GCLC: variants seen among roughly 807,000 people sequenced by gnomAD.
GCLC encodes glutamate-cysteine ligase catalytic subunit.
In GCLC, 30 loss-of-function variants were observed where a neutral mutation model predicts 81.5. That is an observed-to-expected ratio of 0.37 (90% CI 0.28 to 0.50). The LOEUF is 0.50. GCLC is among the 20% of genes least tolerant of loss of function. The pLI is 0.96. For synonymous variants in GCLC, 262 were observed against 273.3 expected (o/e 0.96, Z 0.41); for missense variants, 556 against 777.4 (o/e 0.72, Z 3.39).
intron 12 of GCLC, chr6:53,500,916 T>A (rs555597993): frequency 3.2e-6 from 1 of 312,956 alleles, no homozygotes; most frequent in East Asian, 8.9e-5. Flanking sequence ...TAGAACCCAG[T>A]TCTTCTTCTG....
intron 1 of GCLC, among the ~76,000 whole-genome samples, chr6:53,526,980 T>C (rs1763094287): frequency 6.6e-6 from 1 of 152,210 alleles, no homozygotes; most frequent in South Asian, 2.1e-4. Flanking sequence ...TCAGTTTCTC[T>C]GTAAATGAGA....
chr6:53,540,543 G>A (rs1232887173), intron 1 of GCLC, among the ~76,000 whole-genome samples: 2 of 152,180 alleles, frequency 1.3e-5, no homozygotes, highest in East Asian at 3.9e-4. Flanking sequence ...CGGTGAGCAT[G>A]GTTTCAATTA....
At chr6:53,529,640 A>C (rs1170395153) in intron 1 of GCLC, among the ~76,000 whole-genome samples, 1 of 152,260 alleles carries the variant, frequency 6.6e-6, no homozygotes, top group Non-Finnish European at 1.5e-5. Flanking sequence ...GTACTTCAGT[A>C]CAATAGGTTC....
At chr6:53,533,078 C>T (rs1006281345) in intron 1 of GCLC, among the ~76,000 whole-genome samples, 1 of 152,298 alleles carries the variant, frequency 6.6e-6, no homozygotes, top group East Asian at 1.9e-4. Context: ...CCTTCTCTGT[C>T]TTTTTAAACC....
intron 1 of GCLC, among the ~76,000 whole-genome samples, chr6:53,529,139 C>T (rs1329296711): frequency 6.6e-6 from 1 of 152,208 alleles, no homozygotes; most frequent in Non-Finnish European, 1.5e-5. Context: ...ATTTCTCTTA[C>T]TGCAGAGGTT....
intron 2 of GCLC, 81 bp from the exon 3 acceptor site, chr6:53,521,041 A>G (rs947861434): frequency 1.9e-6 from 2 of 1,071,754 alleles, no homozygotes; most frequent in African/African-American, 3.1e-5. Context: ...AGTTGCTTTA[A>G]AAGTGTAGAA....
intron 6 of GCLC, 54 bp downstream of exon 6, chr6:53,514,150 T>TA: frequency 1.3e-6 from 2 of 1,584,898 alleles, no homozygotes; most frequent in Non-Finnish European, 1.7e-6. Context: ...ATAAAGAAGT[T>TA]AAAAAACAGA....
Position 53,506,103 on chromosome 6 carries a change from C to T in GCLC, c.1198-208G>A, listed in dbSNP as rs539995933. The T allele has an allele frequency of 9.4e-6, 5 of 531,676 alleles. No homozygotes were observed. The highest frequency in any genetic ancestry group is 7.7e-5 in the South Asian group (4 of 51,988). The allele number at this position is 531,676 out of a possible 1,614,324, so 32.9% of individuals were successfully genotyped here. A position where few individuals can be genotyped will look rare whatever the true frequency, so the allele number is the denominator to read the frequency against. ...CAAGTGTTTAACAAAAGCTATGAGG[C>T]CCTATCACTGCAAGCTTAATCTCAC... is the stretch of plus-strand genomic sequence containing the variant. On this transcript the variant is annotated intron_variant, in intron 10 of 15. Transcript: ENST00000650454. The surrounding 1 kb of genome is among the most constrained non-coding windows in gnomAD (Gnocchi z 4.0).
At chr6:53,517,186 A>T (rs1302595142) in intron 3 of GCLC, among the ~76,000 whole-genome samples, 1 of 145,780 alleles carries the variant, frequency 6.9e-6, no homozygotes, top group Non-Finnish European at 1.5e-5. Flanking sequence ...TCCTGGGCTC[A>T]AGTCATCCTC....
At chr6:53,522,671 C>T (rs928691222) in intron 1 of GCLC, 144 bp from the exon 2 acceptor site, 4 of 620,592 alleles carry the variant, frequency 6.4e-6, no homozygotes, top group Middle Eastern at 3.7e-4. Flanking sequence ...CAGTACAGCA[C>T]ATAAGTGTTC....
intron 9 of GCLC, 65 bp from the exon 10 acceptor site, chr6:53,507,090 A>C: frequency 2.2e-6 from 2 of 899,208 alleles, no homozygotes; most frequent in Non-Finnish European, 3.7e-6. Flanking sequence ...CTTAGTCCAG[A>C]AAGACGACAG....
chr6:53,520,021 C>T (rs1762959625), intron 3 of GCLC, among the ~76,000 whole-genome samples: 1 of 152,150 alleles, frequency 6.6e-6, no homozygotes, highest in East Asian at 1.9e-4. Context: ...CTCCTTTGAA[C>T]TTTGAGGAGC....
At chr6:53,514,001 C>T in intron 6 of GCLC, 2 of 609,156 alleles carry the variant, frequency 3.3e-6, no homozygotes, top group Non-Finnish European at 5.8e-6. Context: ...TTGTGGTGAA[C>T]AACAGAGTCT....
At chr6:53,512,583 A>T (rs1388282990) in intron 6 of GCLC, among the ~76,000 whole-genome samples, 2 of 152,222 alleles carry the variant, frequency 1.3e-5, no homozygotes, top group African/African-American at 4.8e-5. Flanking sequence ...GGCAAAATTC[A>T]TTTCATGTGC....
chr6:53,538,222 GCTCACTGCAGCCATGAA>G (rs1210918501), intron 1 of GCLC, among the ~76,000 whole-genome samples: 1 of 134,024 alleles, frequency 7.5e-6, no homozygotes, highest in South Asian at 2.4e-4. Flanking sequence ...CATGATCCCA[GCTCACTGCAGCCATGAA>G]CTCCTGGGCT....
intron 1 of GCLC, among the ~76,000 whole-genome samples, chr6:53,534,601 G>T (rs1217600105): frequency 6.6e-6 from 1 of 152,062 alleles, no homozygotes; most frequent in Non-Finnish European, 1.5e-5. Flanking sequence ...CCCTACAATT[G>T]CCCCCACTTA....
At position 53,506,520 on chromosome 6, in the gene GCLC, A is replaced by G. The variant is rs560637028; in HGVS notation, c.1197+393T>C. The stretch of plus-strand genomic sequence containing the variant: ...ATGTCTACATATAACATGACACAGA[A>G]ATAAATCTATGAGAAGTCTATCTAC... On this transcript the variant is annotated intron_variant, in intron 10 of 15. Coordinates refer to ENST00000650454, the MANE Select transcript of GCLC (RefSeq NM_001498.4). This position sits in a 1 kb window ranked among gnomAD's most constrained non-coding sequence, Gnocchi z 4.0. 8.0e-6 allele frequency: 2 copies of G among 251,146 alleles called. No individual in the cohort carries two copies. The highest frequency in any genetic ancestry group is 4.7e-5 in the African/African-American group (2 of 42,942). The allele number at this position is 251,146 out of a possible 1,614,324, so 15.6% of individuals were successfully genotyped here. A position where few individuals can be genotyped will look rare whatever the true frequency, so the allele number is the denominator to read the frequency against.
intron 3 of GCLC, among the ~76,000 whole-genome samples, chr6:53,516,980 C>T (rs931071284): frequency 1.0e-4 from 15 of 150,216 alleles, no homozygotes; most frequent in Admixed American, 2.0e-4. Context: ...TGAGGGAGGA[C>T]AAAGACTAAG....
intron 1 of GCLC, 98 bp downstream of exon 1, chr6:53,544,398 C>T: frequency 7.5e-7 from 1 of 1,335,088 alleles, no homozygotes; most frequent in Admixed American, 1.9e-5. Flanking sequence ...CAGTGGAGAA[C>T]GCGGACCGCG....
Sources: allele counts gnomAD v4.1 joint callset (sites outside exome capture counted in the v4.1 genomes callset), GRCh38; gene constraint gnomAD v4.1.1; non-coding constraint Gnocchi (gnomAD v3.1); transcripts MANE v1.5; gene names NCBI Gene and HGNC (gene_info 2026-07-23, HGNC 2026-07-21).